Variants in ZNF583 observed in about 807,000 individuals in gnomAD.
The protein encoded by ZNF583 is zinc finger protein L3-5.
Under a neutral mutation model 55.3 loss-of-function variants are expected in ZNF583, and 30 were observed. The observed-to-expected ratio is 0.54, with a 90% CI of 0.41 to 0.74. The LOEUF is 0.74. ZNF583 is among the 30% of genes least tolerant of loss of function. The probability of loss-of-function intolerance (pLI) is 0.00; values close to 1 mark genes in which losing one functional copy is unlikely to be tolerated. For synonymous variants in ZNF583, 208 were observed against 220.0 expected (o/e 0.95, Z 0.48); for missense variants, 504 against 664.7 (o/e 0.76, Z 2.66).
Position 56,424,397 on chromosome 19 carries a change from A to C in ZNF583, c.*29A>C, listed in dbSNP as rs1283204754. ...TTTCTGGAATCCACCTCTTGAATCCATTTCCATCCCATCATCCTTGTCCAA... is the reference window on the plus strand; with the variant it reads ...TTTCTGGAATCCACCTCTTGAATCCCTTTCCATCCCATCATCCTTGTCCAA... On this transcript the variant is annotated 3_prime_UTR_variant, in exon 5 of 5. Transcript: ENST00000333201. The C allele has an allele frequency of 1.1e-6, 1 of 934,222 alleles. No homozygotes were observed. 57.9% of individuals were successfully genotyped at this position (934,222 alleles called of 1,614,324 possible).
At chr19:56,417,339 A>G (rs2042342859) in intron 4 of ZNF583, among the ~76,000 whole-genome samples, 1 of 152,172 alleles carries the variant, frequency 6.6e-6, no homozygotes, top group Admixed American at 6.5e-5. Flanking sequence ...ATTCTCACCA[A>G]ATCTTGGTAT....
Position 56,425,037 on chromosome 19 carries a change from T to G in ZNF583, c.*669T>G, listed in dbSNP as rs2042481812. On this transcript the variant is annotated 3_prime_UTR_variant, in exon 5 of 5. Coordinates refer to ENST00000333201, the MANE Select transcript of ZNF583 (RefSeq NM_152478.3). Reference sequence around the variant, plus strand: ...AAAAAGAGATGCAGCAGCTCAGGACTGAGAGATTGTGAAGTTTTTTTTTTT... The same window carrying G: ...AAAAAGAGATGCAGCAGCTCAGGACGGAGAGATTGTGAAGTTTTTTTTTTT... The G allele has an allele frequency of 6.6e-6, 1 of 151,588 alleles. No homozygotes were observed. Among genetic ancestry groups the G allele is most frequent in the South Asian group, 2.1e-4 (1 of 4,806 alleles). 9.4% of individuals were successfully genotyped at this position (151,588 alleles called of 1,614,324 possible).
At chr19:56,409,778 T>C (rs2042209206) in intron 2 of ZNF583, among the ~76,000 whole-genome samples, 1 of 152,248 alleles carries the variant, frequency 6.6e-6, no homozygotes, top group Non-Finnish European at 1.5e-5. Flanking sequence ...TTTAATGTAA[T>C]ACTTATACGT....
chr19:56,424,420 C>A lies in ZNF583; in HGVS notation c.*52C>A. The stretch of plus-strand genomic sequence containing the variant: ...CCATTTCCATCCCATCATCCTTGTC[C>A]AATGCACATTAATATATTTGACATG... On this transcript the variant is annotated 3_prime_UTR_variant, in exon 5 of 5. Transcript: ENST00000333201. The A allele has an allele frequency of 2.6e-6, 2 of 758,736 alleles. No homozygotes were observed. The highest frequency in any genetic ancestry group is 4.5e-6 in the Non-Finnish European group (2 of 448,768). The allele number at this position is 758,736 out of a possible 1,614,324, so 47.0% of individuals were successfully genotyped here.
Position 56,423,289 on chromosome 19 carries a change from CTT to C in ZNF583, c.634_635del (p.Leu212GlufsTer3). On this transcript the variant is annotated frameshift_variant, in exon 5 of 5. Transcript: ENST00000333201. LOFTEE classifies it high-confidence loss of function. ...TAGGAAAGTCTATGTAGAAAAGAAA[CTT>C]TTGAAATGTAATGATTGTGAGAAAG... ...KHRKVYVEKK[L>X]LKCNDCEKVF... 1 of 1,608,610 alleles carries C rather than the reference CTT, an allele frequency of 6.2e-7. No homozygotes were observed. Among genetic ancestry groups the C allele is most frequent in the Non-Finnish European group, 8.5e-7 (1 of 1,178,628 alleles).
intron 2 of ZNF583, 30 bp from the exon 3 acceptor site, chr19:56,413,929 T>C: frequency 1.3e-5 from 21 of 1,613,564 alleles, no homozygotes; most frequent in Non-Finnish European, 1.8e-5. Flanking sequence ...TGAACACTAG[T>C]TGAGCAAGAA....
intron 2 of ZNF583, among the ~76,000 whole-genome samples, chr19:56,411,542 G>A (rs533852204): frequency 3.9e-5 from 6 of 152,174 alleles, no homozygotes; most frequent in East Asian, 1.9e-4. Context: ...AAGCTGCTTC[G>A]CTAATGTCTA....
At chr19:56,408,162 C>T (rs1190614598) in intron 2 of ZNF583, among the ~76,000 whole-genome samples, 1 of 152,008 alleles carries the variant, frequency 6.6e-6, no homozygotes, top group South Asian at 2.1e-4. Context: ...AAAAAAAATT[C>T]TCTGCACTTA....
At chr19:56,414,719 T>C (rs1421170776) in intron 4 of ZNF583, 3 of 291,656 alleles carry the variant, frequency 1.0e-5, no homozygotes, top group Non-Finnish European at 1.3e-5. Context: ...TCCTTGCCTT[T>C]TAGTTTTATA....
At chr19:56,408,433 A>G (rs772352717) in intron 2 of ZNF583, among the ~76,000 whole-genome samples, 1 of 152,224 alleles carries the variant, frequency 6.6e-6, no homozygotes, top group Non-Finnish European at 1.5e-5. Context: ...TGAGAAACTG[A>G]ATTTTTCATG....
intron 4 of ZNF583, among the ~76,000 whole-genome samples, chr19:56,415,051 G>A (rs1169130043): frequency 6.8e-6 from 1 of 147,934 alleles, no homozygotes; most frequent in Non-Finnish European, 1.5e-5. Flanking sequence ...TGTTTGTTTT[G>A]TTTTGTTTTT....
chr19:56,406,512 G>A (rs1222200146), intron 1 of ZNF583, among the ~76,000 whole-genome samples: 5 of 149,138 alleles, frequency 3.4e-5, no homozygotes, highest in South Asian at 2.1e-4. Context: ...CTTAAACACA[G>A]AACAGGTATG....
intron 2 of ZNF583, among the ~76,000 whole-genome samples, chr19:56,410,282 G>C (rs2042217491): frequency 1.3e-5 from 2 of 152,142 alleles, no homozygotes; most frequent in Non-Finnish European, 2.9e-5. Flanking sequence ...TCAAAATAGT[G>C]TAATTAAAAA....
rs1460926046 is a variant in ZNF583 at position 56,413,597 on chromosome 19, G to T, written c.10-362G>T. Among the ~76,000 whole-genome samples, 11 of 152,142 alleles carry T rather than the reference G, an allele frequency of 7.2e-5. No individual in the cohort carries two copies. In the East Asian group the frequency reaches 2.1e-3, roughly 29 times the overall value. On this transcript the variant is annotated intron_variant, in intron 2 of 4. Coordinates refer to ENST00000333201, the MANE Select transcript of ZNF583 (RefSeq NM_152478.3). ...TGTTTCCTCCTCGAAGCTCTTTACT[G>T]CCCCGGTGTATCTGATTTTCCAATA...
At chr19:56,407,266 T>A in intron 2 of ZNF583, 143 bp downstream of exon 2, 2 of 951,792 alleles carry the variant, frequency 2.1e-6, no homozygotes, top group Non-Finnish European at 3.2e-6. Context: ...TGCTTTCCAG[T>A]AAAAGTCTCC....
At chr19:56,421,422 T>C in intron 4 of ZNF583, 1 of 983,394 alleles carries the variant, frequency 1.0e-6, no homozygotes, top group South Asian at 4.7e-5. Flanking sequence ...TCATGTTGAC[T>C]TTTTATAGGG....
At position 56,423,661 on chromosome 19, in the gene ZNF583, A is replaced by C; in HGVS notation, c.1003A>C (p.Asn335His). 1 of 1,613,470 alleles carries C rather than the reference A, an allele frequency of 6.2e-7. No homozygotes were observed. The highest frequency in any genetic ancestry group is 8.5e-7 in the Non-Finnish European group (1 of 1,179,872). Residue 335 changes from asparagine to histidine, a missense_variant, in exon 5 of 5, where the codon AAT becomes CAT. This residue lies in a region of ZNF583 where 237 missense variants were observed against 373.0 expected (regional missense o/e 0.64). Coordinates refer to ENST00000333201, the MANE Select transcript of ZNF583 (RefSeq NM_152478.3). ...ECIECGKAFSNGSFLAQHQRI... is the reference protein window; with the variant it reads ...ECIECGKAFSHGSFLAQHQRI... ...TATTGAATGTGGAAAGGCCTTTAGTAATGGTTCATTTCTTGCTCAGCATCA... is the reference window on the plus strand; with the variant it reads ...TATTGAATGTGGAAAGGCCTTTAGTCATGGTTCATTTCTTGCTCAGCATCA...
intron 4 of ZNF583, among the ~76,000 whole-genome samples, chr19:56,415,390 G>C (rs1196937817): frequency 6.6e-6 from 1 of 152,116 alleles, no homozygotes; most frequent in Non-Finnish European, 1.5e-5. Flanking sequence ...ACATGCAACT[G>C]GTTTAGAAGA....
At chr19:56,414,591 C>A in intron 4 of ZNF583, 151 bp downstream of exon 4, 1 of 635,904 alleles carries the variant, frequency 1.6e-6, no homozygotes, top group Non-Finnish European at 2.7e-6. Flanking sequence ...TTAGTATGAG[C>A]TCCTCAATTT....
Sources: gnomAD v4.1 joint callset for allele counts (sites outside exome capture counted in the v4.1 genomes callset) on GRCh38, gnomAD v4.1.1 for gene constraint, gnomAD v4.1.1 regional missense constraint, MANE v1.5 for transcripts, NCBI Gene and HGNC (gene_info 2026-07-23, HGNC 2026-07-21) for gene names.